GALNT17: variants seen among roughly 807,000 people sequenced by gnomAD.
The protein encoded by GALNT17 is polypeptide N-acetylgalactosaminyltransferase 17, also known as UDP-GalNAc:polypeptide N-acetylgalactosaminyltransferase-like 3.
A neutral mutation model predicts 63.7 loss-of-function variants in GALNT17; 29 were observed. That is an observed-to-expected ratio of 0.46 (90% CI 0.34 to 0.62). The LOEUF (loss-of-function observed/expected upper bound fraction) is 0.62. Ranked by LOEUF, GALNT17 falls within the 20% of genes least tolerant of loss-of-function variation. The pLI is 0.01. For synonymous variants in GALNT17, 305 were observed against 318.3 expected (o/e 0.96, Z 0.45); for missense variants, 603 against 799.6 (o/e 0.75, Z 2.97).
chr7:71,614,872 CAG>C (rs1231691313), intron 6 of GALNT17, among the ~76,000 whole-genome samples: 2 of 97,084 alleles, frequency 2.1e-5, no homozygotes, highest in African/African-American at 4.2e-5. Context: ...AACAAAGAAA[CAG>C]GGAGGGAAGG....
In GALNT17 at chr7:71,529,223, G is replaced by A. The variant is rs7806081; in HGVS notation, c.963-42062G>A. Among the ~76,000 whole-genome samples, 1,250 of 152,122 alleles carry A rather than the reference G, an allele frequency of 8.2e-3. 13 individuals are homozygous for A. Among genetic ancestry groups the A allele is most frequent in the African/African-American group, 0.029 (1,194 of 41,492 alleles). Reference sequence around the variant, plus strand: ...GATAGGAAATAACCCAGGAAAGCAAGGTTGCAACAGGAAGGGGATGAATAA... The same window carrying A: ...GATAGGAAATAACCCAGGAAAGCAAAGTTGCAACAGGAAGGGGATGAATAA... On this transcript the variant is annotated intron_variant, in intron 5 of 10. Transcript: ENST00000333538.
chr7:71,415,712 A>C (rs577518640), intron 3 of GALNT17, among the ~76,000 whole-genome samples, 177 bp from the exon 4 acceptor site: 18 of 152,324 alleles, frequency 1.2e-4, no homozygotes, highest in African/African-American at 4.3e-4. Context: ...GGGTGAATGC[A>C]TCAGAGATGT....
At chr7:71,412,819 G>T (rs1403611376) in intron 3 of GALNT17, among the ~76,000 whole-genome samples, 1 of 152,170 alleles carries the variant, frequency 6.6e-6, no homozygotes, top group African/African-American at 2.4e-5. Flanking sequence ...GAGGTAGGGG[G>T]ATCACTTGAG....
At chr7:71,570,867 A>G (rs1309284863) in intron 5 of GALNT17, among the ~76,000 whole-genome samples, 1 of 152,064 alleles carries the variant, frequency 6.6e-6, no homozygotes, top group African/African-American at 2.4e-5. Flanking sequence ...AATCCCAGCT[A>G]CTCAGGGGGT....
At chr7:71,437,368 C>T (rs1477499249) in intron 5 of GALNT17, among the ~76,000 whole-genome samples, 3 of 152,116 alleles carry the variant, frequency 2.0e-5, no homozygotes, top group Non-Finnish European at 4.4e-5. Context: ...GACTGAATCC[C>T]CATATTTCTT....
chr7:71,613,374 A>G (rs1186531925), intron 6 of GALNT17, among the ~76,000 whole-genome samples: 1 of 152,236 alleles, frequency 6.6e-6, no homozygotes, highest in East Asian at 1.9e-4. Flanking sequence ...GAAGACAAAC[A>G]GGAATTGACC....
At chr7:71,590,225 T>A (rs1310187178) in intron 6 of GALNT17, among the ~76,000 whole-genome samples, 1 of 152,184 alleles carries the variant, frequency 6.6e-6, no homozygotes, top group Non-Finnish European at 1.5e-5. Flanking sequence ...TCTAATGTAT[T>A]TCTATTAAGG....
chr7:71,599,340 G>C (rs374294561), intron 6 of GALNT17, among the ~76,000 whole-genome samples: 36 of 152,276 alleles, frequency 2.4e-4, no homozygotes, highest in Admixed American at 2.0e-3. Flanking sequence ...CCCTCTGACA[G>C]TGAACCTCTA....
At chr7:71,228,323 A>G (rs1562931632) in intron 1 of GALNT17, among the ~76,000 whole-genome samples, 1 of 152,172 alleles carries the variant, frequency 6.6e-6, no homozygotes, top group African/African-American at 2.4e-5. Flanking sequence ...GTGAGAAGTC[A>G]TGGAATCAAC....
At position 71,449,108 on chromosome 7, in the gene GALNT17, C is replaced by CTTT. The variant is rs59368494; in HGVS notation, c.962+28023_962+28025dup. ...ATTAGAAATAACAGCTGCCTATTTT[C>CTTT]TTTTTTTTTTTTTTTTTTTTTTGAG... On this transcript the variant is annotated intron_variant, in intron 5 of 10. Transcript: ENST00000333538. Among the ~76,000 whole-genome samples the CTTT allele has an allele frequency of 2.1e-4, 15 of 72,746 alleles. 4 individuals are homozygous for CTTT. Among genetic ancestry groups the CTTT allele is most frequent in the Non-Finnish European group, 2.3e-4 (10 of 43,304 alleles). 47.7% of individuals were successfully genotyped at this position (72,746 alleles called of 152,430 possible).
intron 1 of GALNT17, among the ~76,000 whole-genome samples, chr7:71,184,795 C>T (rs1167900463): frequency 6.6e-6 from 1 of 152,170 alleles, no homozygotes; most frequent in Non-Finnish European, 1.5e-5. Flanking sequence ...TCTAAATTGA[C>T]TGTTAGAACA....
intron 2 of GALNT17, among the ~76,000 whole-genome samples, chr7:71,352,799 A>G (rs973462284): frequency 6.6e-6 from 1 of 152,140 alleles, no homozygotes; most frequent in African/African-American, 2.4e-5. Context: ...TGGAGAAGGA[A>G]CAACTAATGA....
At chr7:71,430,825 G>T (rs545793210) in intron 5 of GALNT17, among the ~76,000 whole-genome samples, 1 of 152,268 alleles carries the variant, frequency 6.6e-6, no homozygotes, top group Non-Finnish European at 1.5e-5. Flanking sequence ...GAGGAGGAAA[G>T]CTTTAAGAGA....
At chr7:71,546,294 G>T (rs1042657017) in intron 5 of GALNT17, among the ~76,000 whole-genome samples, 1 of 151,762 alleles carries the variant, frequency 6.6e-6, no homozygotes, top group Non-Finnish European at 1.5e-5. Context: ...CTGAGTAGCT[G>T]GGACTACAGG....
chr7:71,273,497 G>A (rs1248097714), intron 1 of GALNT17, among the ~76,000 whole-genome samples: 1 of 152,174 alleles, frequency 6.6e-6, no homozygotes, highest in East Asian at 1.9e-4. Flanking sequence ...TTGTCTGTCT[G>A]GAGATTTGAG....
At chr7:71,423,531 A>T (rs11981830) in intron 5 of GALNT17, among the ~76,000 whole-genome samples, 6,821 of 152,234 alleles carry the variant, frequency 0.045, 546 homozygotes, top group African/African-American at 0.16. Context: ...GTTAAGTAAG[A>T]TAGCACGATG....
intron 2 of GALNT17, among the ~76,000 whole-genome samples, chr7:71,364,532 G>C (rs1432135258): frequency 6.6e-6 from 1 of 152,188 alleles, no homozygotes; most frequent in East Asian, 1.9e-4. Context: ...CTTTGGACCA[G>C]TGAGGAAAGT....
chr7:71,430,127 A>G (rs1474598364), intron 5 of GALNT17, among the ~76,000 whole-genome samples: 3 of 152,198 alleles, frequency 2.0e-5, no homozygotes, highest in Non-Finnish European at 4.4e-5. Context: ...GATTATGAGC[A>G]AGAGCCACTG....
intron 6 of GALNT17, among the ~76,000 whole-genome samples, chr7:71,580,416 G>GATAA (rs1789618612): frequency 6.8e-6 from 1 of 146,796 alleles, no homozygotes; most frequent in Non-Finnish European, 1.5e-5. Context: ...TAGATAGATA[G>GATAA]ATAGATAGAT....
Sources: allele counts gnomAD v4.1 joint callset (sites outside exome capture counted in the v4.1 genomes callset), GRCh38; gene constraint gnomAD v4.1.1; transcripts MANE v1.5; gene names NCBI Gene and HGNC (gene_info 2026-07-23, HGNC 2026-07-21).